DIP2B: variants seen among roughly 807,000 people sequenced by gnomAD.
DIP2B encodes the protein DIP2 acetate--CoA ligase B (putative), also known as disco-interacting protein 2 homolog B.
Under a neutral mutation model 198.0 loss-of-function variants are expected in DIP2B, and 76 were observed. The observed-to-expected ratio is 0.38, with a 90% CI of 0.32 to 0.46. The LOEUF is 0.46. Ranked by LOEUF, DIP2B falls within the 20% of genes least tolerant of loss-of-function variation. DIP2B has a pLI of 0.99. For synonymous variants in DIP2B, 701 were observed against 739.1 expected, an observed-to-expected ratio of 0.95 and a Z score of 0.84; for missense variants, 1,559 against 1,978.4, an observed-to-expected ratio of 0.79 and a Z score of 4.02.
At chr12:50,665,735 C>G (rs187174771) in intron 4 of DIP2B, among the ~76,000 whole-genome samples, 14 of 150,032 alleles carry the variant, frequency 9.3e-5, no homozygotes, top group Admixed American at 9.3e-4. Context: ...ATAATCACAG[C>G]ACTGTACTCC....
intron 37 of DIP2B, among the ~76,000 whole-genome samples, chr12:50,742,419 A>AAAAAAAC (rs1565888390): frequency 1.0e-4 from 8 of 77,258 alleles, no homozygotes; most frequent in African/African-American, 2.6e-4. Flanking sequence ...AAAAAAAAAA[A>AAAAAAAC]AAACCACCTC....
intron 20 of DIP2B, 150 bp from the exon 21 acceptor site, chr12:50,706,388 A>G (rs1939513143): frequency 1.1e-6 from 1 of 881,430 alleles, no homozygotes; most frequent in Non-Finnish European, 1.7e-6. Context: ...AGATGTCAAG[A>G]TGTGAAATGC....
chr12:50,706,811 T>TC (rs140814011), intron 21 of DIP2B, 146 bp downstream of exon 21: 18,389 of 782,540 alleles, frequency 0.023, 307 homozygotes, highest in Non-Finnish European at 0.03. Flanking sequence ...GGCTTTTTTT[T>TC]TTCTTCTTCT....
intron 23 of DIP2B, among the ~76,000 whole-genome samples, chr12:50,717,568 C>A (rs754646227): frequency 6.6e-6 from 1 of 151,540 alleles, no homozygotes. Context: ...AGGGTTTCAC[C>A]GCGTTAGCCG....
At chr12:50,523,114 A>T (rs765805094) in intron 1 of DIP2B, among the ~76,000 whole-genome samples, 1 of 152,194 alleles carries the variant, frequency 6.6e-6, no homozygotes, top group Non-Finnish European at 1.5e-5. Context: ...AAATGGAAAT[A>T]TATACAGTTG....
intron 2 of DIP2B, among the ~76,000 whole-genome samples, chr12:50,632,224 C>T (rs1425615464): frequency 1.3e-5 from 2 of 151,994 alleles, no homozygotes; most frequent in South Asian, 2.1e-4. Context: ...CAGTGGCTCA[C>T]GCCTGTACTC....
chr12:50,549,455 G>C (rs906670006), intron 1 of DIP2B, among the ~76,000 whole-genome samples: 1 of 152,048 alleles, frequency 6.6e-6, no homozygotes, highest in Non-Finnish European at 1.5e-5. Context: ...GCGTGAACCT[G>C]GGAGGTGGAG....
chr12:50,703,688 C>T lies in DIP2B; in HGVS notation c.2326-452C>T, dbSNP rs1166541311. Among the ~76,000 whole-genome samples the T allele has an allele frequency of 2.0e-5, 3 of 151,992 alleles. No homozygotes were observed. In the East Asian group the frequency reaches 5.8e-4, roughly 29 times the overall value. On this transcript the variant is annotated intron_variant, in intron 19 of 37. Transcript: ENST00000301180. Reference sequence around the variant, plus strand: ...CTGCAAAACAGGGCTCAGAAAAATCCAGGCACTTGCCTAAAGTCTATGTTA... The same window carrying T: ...CTGCAAAACAGGGCTCAGAAAAATCTAGGCACTTGCCTAAAGTCTATGTTA...
intron 1 of DIP2B, among the ~76,000 whole-genome samples, chr12:50,591,783 A>C (rs1373884741): frequency 1.3e-5 from 2 of 151,360 alleles, no homozygotes; most frequent in Non-Finnish European, 2.9e-5. Context: ...CTTATACTAC[A>C]TTGTATAAAT....
At chr12:50,596,702 CA>C (rs1363625550) in intron 1 of DIP2B, among the ~76,000 whole-genome samples, 4 of 152,088 alleles carry the variant, frequency 2.6e-5, no homozygotes, top group African/African-American at 9.6e-5. Context: ...CCACCTCTAC[CA>C]AAAATTCAAA....
rs150029844 is a variant in DIP2B, at chr12:50,696,196, T to A, written c.1933+229T>A. On this transcript the variant is annotated intron_variant, in intron 16 of 37. Coordinates refer to ENST00000301180, the MANE Select transcript of DIP2B (RefSeq NM_173602.3). ...CATGCCCATTATCAGTCACTCGCCA[T>A]TTTTCCTCCTGCCCCAGCCCTAGAT... is the stretch of plus-strand genomic sequence containing the variant. Among the ~76,000 whole-genome samples, 235 of 152,300 alleles carry A rather than the reference T, an allele frequency of 1.5e-3. 1 individual carries two copies. Among genetic ancestry groups the A allele is most frequent in the African/African-American group, 5.2e-3 (218 of 41,576 alleles).
intron 3 of DIP2B, among the ~76,000 whole-genome samples, chr12:50,645,351 G>T (rs1354490997): frequency 6.6e-6 from 1 of 151,992 alleles, no homozygotes. Flanking sequence ...GTAGTATTGT[G>T]TATAATACAA....
At chr12:50,536,988 C>T (rs1476880587) in intron 1 of DIP2B, among the ~76,000 whole-genome samples, 6 of 151,420 alleles carry the variant, frequency 4.0e-5, no homozygotes. Context: ...GACTCTGACA[C>T]CTTGTAGCCT....
At chr12:50,593,711 CT>C (rs1565837008) in intron 1 of DIP2B, among the ~76,000 whole-genome samples, 8 of 3,340 alleles carry the variant, frequency 2.4e-3, no homozygotes, top group African/African-American at 8.1e-3. Flanking sequence ...CTCTCCCCTC[CT>C]CTCCTCTCCT....
At chr12:50,585,602 G>A (rs1429096191) in intron 1 of DIP2B, among the ~76,000 whole-genome samples, 1 of 152,214 alleles carries the variant, frequency 6.6e-6, no homozygotes, top group Non-Finnish European at 1.5e-5. Flanking sequence ...TGTGGCCAGA[G>A]TGGCATGAGG....
chr12:50,576,422 A>AAG (rs1958661498), intron 1 of DIP2B, among the ~76,000 whole-genome samples: 1 of 151,624 alleles, frequency 6.6e-6, no homozygotes, highest in African/African-American at 2.4e-5. Flanking sequence ...ATATCTGTGA[A>AAG]AGAGACCACA....
At position 50,697,269 on chromosome 12, in the gene DIP2B, A is replaced by G. The variant is rs562741913; in HGVS notation, c.2048+94A>G. ...GGTGATGACCAACGGATGTTAACTA[A>G]TTTTCTAAGCAGTTTCAAGCATCTC... On this transcript the variant is annotated intron_variant, in intron 17 of 37. Transcript: ENST00000301180. The G allele has an allele frequency of 3.0e-5, 33 of 1,115,292 alleles. No individual in the cohort carries two copies. In the East Asian group the frequency reaches 3.2e-4, roughly 11 times the overall value. 69.1% of individuals were successfully genotyped at this position (1,115,292 alleles called of 1,614,324 possible).
In DIP2B at chr12:50,744,785, T is replaced by C; in HGVS notation, c.4677T>C (p.Arg1559=). 6.2e-7 allele frequency: 1 copy of C among 1,614,202 alleles called. No individual in the cohort carries two copies. The highest frequency in any genetic ancestry group is 8.5e-7 in the Non-Finnish European group (1 of 1,180,036). The change falls in exon 38 of 38, where the codon CGT becomes CGC. Residue 1559 remains arginine (R), a synonymous_variant. Coordinates refer to ENST00000301180, the MANE Select transcript of DIP2B (RefSeq NM_173602.3). ...SRGEKQRMHL[R]DSFLADQLDP... ...GAGAGAAGCAGAGGATGCACCTCCG[T>C]GATAGCTTCCTAGCTGACCAGTTAG... is the stretch of plus-strand genomic sequence containing the variant.
intron 28 of DIP2B, among the ~76,000 whole-genome samples, chr12:50,725,498 A>C (rs1235688991): frequency 6.6e-6 from 1 of 152,196 alleles, no homozygotes; most frequent in African/African-American, 2.4e-5. Context: ...GTATAGGAAG[A>C]GTGTGGGTGT....
Sources: gnomAD v4.1 joint callset for allele counts (sites outside exome capture counted in the v4.1 genomes callset) on GRCh38, gnomAD v4.1.1 for gene constraint, MANE v1.5 for transcripts, NCBI Gene and HGNC (gene_info 2026-07-23, HGNC 2026-07-21) for gene names.